Variants in PCDHGA7 observed in about 807,000 individuals in gnomAD.
PCDHGA7 encodes protocadherin gamma subfamily A, 7.
PCDHGA7 carries 44 observed loss-of-function variants against 58.3 expected under a neutral mutation model. The ratio of observed to expected loss-of-function variants is 0.75; its 90% CI spans 0.59 to 0.97. The LOEUF (loss-of-function observed/expected upper bound fraction) is 0.97. Ranked by LOEUF, PCDHGA7 falls within the 50% of genes least tolerant of loss-of-function variation. The pLI, the probability that PCDHGA7 is intolerant of heterozygous loss-of-function variation, is 0.00. For missense variants in PCDHGA7, 1,266 were observed against 1,188.7 expected (o/e 1.06, Z -0.96); for synonymous variants, 516 against 504.2 (o/e 1.02, Z -0.31).
At chr5:141,420,494 C>T (rs978136090) in intron 1 of PCDHGA7, 6 of 499,392 alleles carry the variant, frequency 1.2e-5, no homozygotes, top group African/African-American at 2.0e-5. Flanking sequence ...GGGTAATCTC[C>T]GGTGACATTT....
At position 141,476,591 on chromosome 5, in the gene PCDHGA7, G is replaced by C. The variant is rs200254399; in HGVS notation, c.2425-18216G>C. The C allele has an allele frequency of 6.2e-7, 1 of 1,614,230 alleles. No homozygotes were observed. Among genetic ancestry groups the C allele is most frequent in the East Asian group, 2.2e-5 (1 of 44,870 alleles). On this transcript the variant is annotated intron_variant, in intron 1 of 3. Coordinates refer to ENST00000518325, the MANE Select transcript of PCDHGA7 (RefSeq NM_018920.4). This position sits in a 1 kb window ranked among gnomAD's most constrained non-coding sequence, Gnocchi z 7.6. ...GGGGACGCGCTTTCCGCTCGAGAGCGCGCACGATCCCGATGTGGGAAGCAA... is the reference window on the plus strand; with the variant it reads ...GGGGACGCGCTTTCCGCTCGAGAGCCCGCACGATCCCGATGTGGGAAGCAA...
Position 141,404,599 on chromosome 5 carries a change from A to G in PCDHGA7, c.2424+19276A>G. 2.5e-6 allele frequency: 4 copies of G among 1,613,988 alleles called. 1 individual carries two copies. In the East Asian group the frequency reaches 8.9e-5, roughly 36 times the overall value. ...CACTTAGCAGCAATGTGTCATTGAG[A>G]CTGTTTGTTTTGGACCAGAATGACA... is the stretch of plus-strand genomic sequence containing the variant. On this transcript the variant is annotated intron_variant, in intron 1 of 3. Coordinates refer to ENST00000518325, the MANE Select transcript of PCDHGA7 (RefSeq NM_018920.4).
At position 141,384,038 on chromosome 5, in the gene PCDHGA7, G is replaced by T; in HGVS notation, c.1139G>T (p.Gly380Val). The T allele has an allele frequency of 6.2e-7, 1 of 1,613,110 alleles. No individual in the cohort carries two copies. Among genetic ancestry groups the T allele is most frequent in the South Asian group, 1.1e-5 (1 of 91,004 alleles). The part of the protein sequence containing the change: ...YLQDRDSGKN[G>V]EVTCTIPENL... ...CAAGACAGAGATTCTGGAAAGAATGGTGAGGTGACCTGCACCATTCCAGAA... is the reference window on the plus strand; with the variant it reads ...CAAGACAGAGATTCTGGAAAGAATGTTGAGGTGACCTGCACCATTCCAGAA... The change falls in exon 1 of 4, where the codon GGT becomes GTT. Residue 380 changes from glycine to valine, a missense_variant. Gly to Val is a moderately radical substitution (Grantham distance 109, BLOSUM62 -3). Transcript: ENST00000518325.
intron 1 of PCDHGA7, among the ~76,000 whole-genome samples, chr5:141,456,843 A>G (rs2098891742): frequency 6.6e-6 from 1 of 152,030 alleles, no homozygotes. Context: ...GGCGCCTGTA[A>G]TCCCAGCTAA....
Position 141,476,263 on chromosome 5 carries a change from C to T in PCDHGA7, c.2425-18544C>T. 1 of 1,613,940 alleles carries T rather than the reference C, an allele frequency of 6.2e-7. No individual in the cohort carries two copies. The highest frequency in any genetic ancestry group is 8.5e-7 in the Non-Finnish European group (1 of 1,180,010). Reference sequence around the variant, plus strand: ...GAGAGAAGGGTTTCGCTGTGGGCAACGTGGTCGCGAACCTTGGTTTGGATC... The same window carrying T: ...GAGAGAAGGGTTTCGCTGTGGGCAATGTGGTCGCGAACCTTGGTTTGGATC... On this transcript the variant is annotated intron_variant, in intron 1 of 3. Transcript: ENST00000518325. The surrounding 1 kb of genome is among the most constrained non-coding windows in gnomAD (Gnocchi z 7.6).
intron 1 of PCDHGA7, chr5:141,399,680 A>T: frequency 6.2e-7 from 1 of 1,613,514 alleles, no homozygotes; most frequent in Non-Finnish European, 8.5e-7. Context: ...GCCTTTGACT[A>T]CGAGCAGCTG....
intron 1 of PCDHGA7, chr5:141,409,789 G>T: frequency 6.2e-7 from 1 of 1,612,036 alleles, no homozygotes; most frequent in Non-Finnish European, 8.5e-7. Context: ...GCGCCTTCGC[G>T]CTCACGCTGC....
chr5:141,397,805 A>G (rs1015155491), intron 1 of PCDHGA7, among the ~76,000 whole-genome samples: 1 of 152,236 alleles, frequency 6.6e-6, no homozygotes, highest in African/African-American at 2.4e-5. Flanking sequence ...TAAGTTAGGC[A>G]CACAAAAACA....
intron 1 of PCDHGA7, among the ~76,000 whole-genome samples, chr5:141,481,794 A>C (rs1433830305): frequency 6.6e-6 from 1 of 152,136 alleles, no homozygotes; most frequent in East Asian, 1.9e-4. Context: ...TCTACTAAAA[A>C]TACAAAAATT....
chr5:141,428,341 C>T, intron 1 of PCDHGA7: 1 of 602,086 alleles, frequency 1.7e-6, no homozygotes, highest in Non-Finnish European at 3.0e-6. Flanking sequence ...GCTCTTCTTC[C>T]TCGCAGTGAT....
intron 1 of PCDHGA7, among the ~76,000 whole-genome samples, chr5:141,474,234 T>C (rs1458919904): frequency 6.6e-6 from 1 of 152,204 alleles, no homozygotes; most frequent in Non-Finnish European, 1.5e-5. Flanking sequence ...TAAGTGATGC[T>C]GAATAGGGGA....
intron 2 of PCDHGA7, among the ~76,000 whole-genome samples, chr5:141,501,536 G>A (rs570102957): frequency 5.9e-5 from 9 of 152,054 alleles, no homozygotes; most frequent in African/African-American, 2.2e-4. Context: ...GTACGTTGTT[G>A]TGCATAAGAT....
intron 1 of PCDHGA7, chr5:141,427,495 C>T: frequency 1.8e-6 from 1 of 562,648 alleles, no homozygotes; most frequent in South Asian, 1.5e-5. Flanking sequence ...AAGCTTGTAA[C>T]AGATGGGACC....
Position 141,510,362 on chromosome 5 carries a change from C to T in PCDHGA7, c.2573-585C>T, listed in dbSNP as rs74321279. Among the ~76,000 whole-genome samples the T allele has an allele frequency of 2.0e-4, 29 of 142,136 alleles. No homozygotes were observed. In the East Asian group the frequency reaches 5.7e-3, roughly 28 times the overall value. The allele number at this position is 142,136 out of a possible 152,430, so 93.2% of individuals were successfully genotyped here. A position where few individuals can be genotyped will look rare whatever the true frequency, so the allele number is the denominator to read the frequency against. On this transcript the variant is annotated intron_variant, in intron 3 of 3. Coordinates refer to ENST00000518325, the MANE Select transcript of PCDHGA7 (RefSeq NM_018920.4). ...CCCACACACTTACTAACGGAACTAC[C>T]GAATCTCTACTCGTGCCAGGCCTTG... is the stretch of plus-strand genomic sequence containing the variant.
intron 3 of PCDHGA7, among the ~76,000 whole-genome samples, chr5:141,509,636 C>T (rs1199892148): frequency 6.6e-6 from 1 of 152,164 alleles, no homozygotes; most frequent in Non-Finnish European, 1.5e-5. Context: ...TGATGCTGAG[C>T]CAGGGCCAGA....
In PCDHGA7 at chr5:141,477,605, T is replaced by A. The variant is rs1339408637; in HGVS notation, c.2425-17202T>A. On this transcript the variant is annotated intron_variant, in intron 1 of 3. Transcript: ENST00000518325. This position sits in a 1 kb window ranked among gnomAD's most constrained non-coding sequence, Gnocchi z 4.9. ...GAATGCTCGGCTTTCTTTCTTTCTCTTGGAGCAAGGAGCTGAAACCGGGCT... is the reference window on the plus strand; with the variant it reads ...GAATGCTCGGCTTTCTTTCTTTCTCATGGAGCAAGGAGCTGAAACCGGGCT... The A allele has an allele frequency of 6.2e-6, 10 of 1,614,102 alleles. No individual in the cohort carries two copies. In the South Asian group the frequency reaches 1.1e-4, roughly 18 times the overall value.
intron 1 of PCDHGA7, among the ~76,000 whole-genome samples, chr5:141,420,650 A>G (rs2096512866): frequency 6.6e-6 from 1 of 152,244 alleles, no homozygotes; most frequent in Non-Finnish European, 1.5e-5. Context: ...TGTAAGAATT[A>G]TAGTTAGGCA....
Position 141,485,660 on chromosome 5 carries a change from G to A in PCDHGA7, c.2425-9147G>A. On this transcript the variant is annotated intron_variant, in intron 1 of 3. Transcript: ENST00000518325. The surrounding 1 kb of genome is among the most constrained non-coding windows in gnomAD (Gnocchi z 5.7). ...GGAAAAGGCTCAGGATGCAGATGTG[G>A]GGAGCAATTCGATTAGCAGCTATAG... is the stretch of plus-strand genomic sequence containing the variant. 1 of 1,612,716 alleles carries A rather than the reference G, an allele frequency of 6.2e-7. No individual in the cohort carries two copies. Among genetic ancestry groups the A allele is most frequent in the Non-Finnish European group, 8.5e-7 (1 of 1,178,898 alleles).
At chr5:141,467,628 C>G (rs181245841) in intron 1 of PCDHGA7, among the ~76,000 whole-genome samples, 49 of 152,224 alleles carry the variant, frequency 3.2e-4, no homozygotes, top group African/African-American at 1.1e-3. Context: ...TTTGAGATAG[C>G]ATCTTTATCA....
Sources: gnomAD v4.1 joint callset for allele counts (sites outside exome capture counted in the v4.1 genomes callset) on GRCh38, gnomAD v4.1.1 for gene constraint, Gnocchi (gnomAD v3.1) non-coding constraint, MANE v1.5 for transcripts, NCBI Gene and HGNC (gene_info 2026-07-23, HGNC 2026-07-21) for gene names.